ST3GAL4: variants seen among roughly 807,000 people sequenced by gnomAD.
ST3GAL4 encodes the protein CMP-N-acetylneuraminate-beta-galactosamide-alpha-2,3-sialyltransferase 4.
Under a neutral mutation model 42.6 loss-of-function variants are expected in ST3GAL4, and 24 were observed. The ratio of observed to expected loss-of-function variants is 0.56; its 90% CI spans 0.41 to 0.79. ST3GAL4 has a LOEUF of 0.79. ST3GAL4 is among the 30% of genes least tolerant of loss of function. ST3GAL4 has a pLI of 0.00. For synonymous variants in ST3GAL4, 135 were observed against 163.2 expected, an observed-to-expected ratio of 0.83 and a Z score of 1.32; for missense variants, 311 against 430.8, an observed-to-expected ratio of 0.72 and a Z score of 2.46.
Position 126,359,913 on chromosome 11 carries a change from G to A in ST3GAL4, c.-61+4071G>A. ...GGCAACCACGGCCACACGTGGGGAA[G>A]GGGAGGGGCCCTATGGGGTCTAAGC... On this transcript the variant is annotated intron_variant, in intron 1 of 10. Coordinates refer to ENST00000444328, the MANE Select transcript of ST3GAL4 (RefSeq NM_001254757.2). The surrounding 1 kb of genome is among the most constrained non-coding windows in gnomAD (Gnocchi z 4.8). 6.6e-6 allele frequency among the ~76,000 whole-genome samples: 1 copy of A among 152,270 alleles called. No individual in the cohort carries two copies. Among genetic ancestry groups the A allele is most frequent in the East Asian group, 1.9e-4 (1 of 5,198 alleles).
At chr11:126,403,759 G>C (rs1322101294) in intron 1 of ST3GAL4, among the ~76,000 whole-genome samples, 1 of 152,120 alleles carries the variant, frequency 6.6e-6, no homozygotes, top group Non-Finnish European at 1.5e-5. Flanking sequence ...ATCCTGGTTC[G>C]GAGCACTGCA....
intron 1 of ST3GAL4, among the ~76,000 whole-genome samples, chr11:126,357,822 A>T (rs755930122): frequency 2.6e-5 from 4 of 152,232 alleles, no homozygotes; most frequent in Non-Finnish European, 5.9e-5. Flanking sequence ...GTCTCTCCTC[A>T]GAGAGGCTGC....
intron 1 of ST3GAL4, among the ~76,000 whole-genome samples, chr11:126,362,300 C>T (rs902611839): frequency 4.2e-4 from 63 of 148,888 alleles, no homozygotes; most frequent in African/African-American, 1.4e-3. Context: ...CGGGTTCAAG[C>T]GAGATTCTCC....
intron 1 of ST3GAL4, among the ~76,000 whole-genome samples, chr11:126,371,569 T>C (rs1405364583): frequency 6.6e-6 from 1 of 152,222 alleles, no homozygotes; most frequent in African/African-American, 2.4e-5. Flanking sequence ...AAAAAGTTAA[T>C]GTTATGTTTT....
rs928516799 is a variant in ST3GAL4 at position 126,363,686 on chromosome 11, A to G, written c.-61+7844A>G. Among the ~76,000 whole-genome samples, 9 of 152,156 alleles carry G rather than the reference A, an allele frequency of 5.9e-5. No individual in the cohort carries two copies. Among genetic ancestry groups the G allele is most frequent in the Non-Finnish European group, 1.0e-4 (7 of 68,032 alleles). ...TCTTTCTGGGGCCTCAGGGTCTCCA[A>G]AGATGGGCTGACTAAGCTTCCCTAG... On this transcript the variant is annotated intron_variant, in intron 1 of 10. Coordinates refer to ENST00000444328, the MANE Select transcript of ST3GAL4 (RefSeq NM_001254757.2). This position sits in a 1 kb window ranked among gnomAD's most constrained non-coding sequence, Gnocchi z 4.6.
rs1425447737 is a variant in ST3GAL4 at position 126,379,237 on chromosome 11, G to A, written c.-61+23395G>A. On this transcript the variant is annotated intron_variant, in intron 1 of 10. Transcript: ENST00000444328. The surrounding 1 kb of genome is among the most constrained non-coding windows in gnomAD (Gnocchi z 4.2). Reference sequence around the variant, plus strand: ...GCCACCAATTGCTTTGCTTAGTAGTGAGGATGGCTTCATGTTGAGCAGTAG... The same window carrying A: ...GCCACCAATTGCTTTGCTTAGTAGTAAGGATGGCTTCATGTTGAGCAGTAG... 2.0e-5 allele frequency among the ~76,000 whole-genome samples: 3 copies of A among 152,186 alleles called. No homozygotes were observed. The highest frequency in any genetic ancestry group is 2.1e-4 in the South Asian group (1 of 4,826).
chr11:126,357,126 G>T (rs1276041009), intron 1 of ST3GAL4, among the ~76,000 whole-genome samples: 1 of 152,224 alleles, frequency 6.6e-6, no homozygotes, highest in African/African-American at 2.4e-5. Flanking sequence ...GCCTAGAAAT[G>T]AACTCGGGAG....
At chr11:126,385,415 GTGC>G (rs1358089529) in intron 1 of ST3GAL4, among the ~76,000 whole-genome samples, 1 of 152,064 alleles carries the variant, frequency 6.6e-6, no homozygotes, top group African/African-American at 2.4e-5. Context: ...GCCTCCTAAA[GTGC>G]TGGGATGACA....
At position 126,392,471 on chromosome 11, in the gene ST3GAL4, C is replaced by T. The variant is rs114130073; in HGVS notation, c.-60-13625C>T. 2.3e-3 allele frequency: 1,586 copies of T among 699,412 alleles called. 25 individuals carry two copies. The African/African-American group carries it at 0.027, about 12-fold the overall frequency. 43.3% of individuals were successfully genotyped at this position (699,412 alleles called of 1,614,324 possible). A position where few individuals can be genotyped will look rare whatever the true frequency, so the allele number is the denominator to read the frequency against. On this transcript the variant is annotated intron_variant, in intron 1 of 10. Coordinates refer to ENST00000444328, the MANE Select transcript of ST3GAL4 (RefSeq NM_001254757.2). The surrounding 1 kb of genome is among the most constrained non-coding windows in gnomAD (Gnocchi z 5.8). ...ATCGACATGCATTTGGCAGAAAGTG[C>T]GCTGGCTCTGCCAGCTCCCAGTGTG... is the stretch of plus-strand genomic sequence containing the variant.
At chr11:126,413,379 T>A in intron 9 of ST3GAL4, 126 bp from the exon 10 acceptor site, 1 of 1,244,924 alleles carries the variant, frequency 8.0e-7, no homozygotes, top group Non-Finnish European at 1.1e-6. Context: ...TCGTGGCTTG[T>A]CTTGTTGGAC....
In ST3GAL4 at chr11:126,363,281, A is replaced by G. The variant is rs1022107070; in HGVS notation, c.-61+7439A>G. ...TCTTTCCACCCCTAGATTTCTCACC[A>G]TCTTCAGTGATCCCTCCTCCTTCCT... is the stretch of plus-strand genomic sequence containing the variant. On this transcript the variant is annotated intron_variant, in intron 1 of 10. Coordinates refer to ENST00000444328, the MANE Select transcript of ST3GAL4 (RefSeq NM_001254757.2). This position sits in a 1 kb window ranked among gnomAD's most constrained non-coding sequence, Gnocchi z 4.6. Among the ~76,000 whole-genome samples, 7 of 151,922 alleles carry G rather than the reference A, an allele frequency of 4.6e-5. No individual in the cohort carries two copies. Among genetic ancestry groups the G allele is most frequent in the African/African-American group, 1.2e-4 (5 of 41,334 alleles).
Position 126,378,046 on chromosome 11 carries a change from C to G in ST3GAL4, c.-61+22204C>G, listed in dbSNP as rs1465008384. Among the ~76,000 whole-genome samples the G allele has an allele frequency of 2.0e-5, 3 of 152,054 alleles. No individual in the cohort carries two copies. The highest frequency in any genetic ancestry group is 4.4e-5 in the Non-Finnish European group (3 of 68,028). On this transcript the variant is annotated intron_variant, in intron 1 of 10. Transcript: ENST00000444328. This position sits in a 1 kb window ranked among gnomAD's most constrained non-coding sequence, Gnocchi z 5.3. ...AGACTGTGTCTGGGATATTATGATT[C>G]TCTTTTGTGAGGGGTCACTTTATGT...
intron 1 of ST3GAL4, chr11:126,403,553 A>G: frequency 1.7e-6 from 1 of 589,556 alleles, no homozygotes; most frequent in Non-Finnish European, 2.1e-6. Flanking sequence ...CAATTAAATA[A>G]ACATCTCGGA....
chr11:126,402,091 A>AGG (rs146212978), intron 1 of ST3GAL4, among the ~76,000 whole-genome samples: 3 of 131,658 alleles, frequency 2.3e-5, no homozygotes, highest in South Asian at 2.9e-4. Flanking sequence ...ATTTGGGGGA[A>AGG]AGAGGGGAGG....
intron 1 of ST3GAL4, among the ~76,000 whole-genome samples, chr11:126,361,915 T>C (rs111299622): frequency 0.015 from 2,216 of 150,682 alleles, 30 homozygotes; most frequent in Middle Eastern, 0.034. Context: ...GGAGTCTGGC[T>C]CTATTGCCCA....
In ST3GAL4 at chr11:126,406,673, A is replaced by T; in HGVS notation, c.101+116A>T. On this transcript the variant is annotated intron_variant, in intron 3 of 10. Coordinates refer to ENST00000444328, the MANE Select transcript of ST3GAL4 (RefSeq NM_001254757.2). This position sits in a 1 kb window ranked among gnomAD's most constrained non-coding sequence, Gnocchi z 5.4. ...GGAAGGTTCCAAGAGCCGGCACATG[A>T]CCTCATCCCTTCAGCTGCTGGTACG... 1 of 1,276,188 alleles carries T rather than the reference A, an allele frequency of 7.8e-7. No individual in the cohort carries two copies. The highest frequency in any genetic ancestry group is 3.3e-5 in the East Asian group (1 of 30,640). The allele number at this position is 1,276,188 out of a possible 1,614,324, so 79.1% of individuals were successfully genotyped here.
chr11:126,375,519 T>C (rs1346233832), intron 1 of ST3GAL4, among the ~76,000 whole-genome samples: 1 of 152,140 alleles, frequency 6.6e-6, no homozygotes, highest in Admixed American at 6.6e-5. Context: ...CAGTGCCAGC[T>C]CCGCTCCTCA....
At chr11:126,387,817 C>T (rs559197613) in intron 1 of ST3GAL4, among the ~76,000 whole-genome samples, 2 of 152,290 alleles carry the variant, frequency 1.3e-5, no homozygotes, top group East Asian at 3.9e-4. Flanking sequence ...TAAACCTATT[C>T]GTGTACAGAC....
Position 126,409,121 on chromosome 11 carries a change from A to T in ST3GAL4, c.628-147A>T. ...TCCTGGTCTCCCATCTGTGGCACAG[A>T]CTTCACCTCCCTTTCCTCTCACCTT... On this transcript the variant is annotated intron_variant, in intron 8 of 10. Coordinates refer to ENST00000444328, the MANE Select transcript of ST3GAL4 (RefSeq NM_001254757.2). This position sits in a 1 kb window ranked among gnomAD's most constrained non-coding sequence, Gnocchi z 4.9. The T allele has an allele frequency of 9.8e-7, 1 of 1,021,960 alleles. No individual in the cohort carries two copies. The highest frequency in any genetic ancestry group is 1.4e-6 in the Non-Finnish European group (1 of 690,138). The allele number at this position is 1,021,960 out of a possible 1,614,324, so 63.3% of individuals were successfully genotyped here. A position where few individuals can be genotyped will look rare whatever the true frequency, so the allele number is the denominator to read the frequency against.
Sources: gnomAD v4.1 joint callset for allele counts (sites outside exome capture counted in the v4.1 genomes callset) on GRCh38, gnomAD v4.1.1 for gene constraint, Gnocchi (gnomAD v3.1) non-coding constraint, MANE v1.5 for transcripts, NCBI Gene and HGNC (gene_info 2026-07-23, HGNC 2026-07-21) for gene names.